Variants in MTA1 observed in about 807,000 individuals in gnomAD.
MTA1 encodes the protein metastasis-associated protein MTA1.
Under a neutral mutation model 97.0 loss-of-function variants are expected in MTA1, and 15 were observed. The observed-to-expected ratio is 0.15, with a 90% CI of 0.10 to 0.24. MTA1 has a LOEUF of 0.24. Ranked by LOEUF, MTA1 falls within the 10% of genes least tolerant of loss-of-function variation. The probability of loss-of-function intolerance (pLI) is 1.00; values close to 1 mark genes in which losing one functional copy is unlikely to be tolerated. For missense variants in MTA1, 709 were observed against 1,015.1 expected (o/e 0.70, Z 4.10); for synonymous variants, 435 against 417.5 (o/e 1.04, Z -0.51).
intron 20 of MTA1, 24 bp from the exon 21 acceptor site, chr14:105,470,041 C>T (rs782715781): frequency 1.2e-6 from 2 of 1,612,606 alleles, no homozygotes; most frequent in East Asian, 4.5e-5. Flanking sequence ...GCGTCCCGGC[C>T]CTCACCACCA....
In MTA1 at chr14:105,460,775, T is replaced by C; in HGVS notation, c.764T>C (p.Met255Thr). The change falls in exon 10 of 21, where the codon ATG (methionine) becomes ACG (threonine). Residue 255 changes from methionine (M) to threonine (T), a missense_variant. This residue lies in a region of MTA1 where 321 missense variants were observed against 593.5 expected (regional missense o/e 0.54). Coordinates refer to ENST00000331320, the MANE Select transcript of MTA1 (RefSeq NM_004689.4). Reference sequence around the variant, plus strand: ...TGTCTCCTGCCGCAGTTCCACGCCATGGATACTCTCCACAAGAACATCTAC... The same window carrying C: ...TGTCTCCTGCCGCAGTTCCACGCCACGGATACTCTCCACAAGAACATCTAC... ...ASRDITLFHA[M>T]DTLHKNIYDI... The C allele has an allele frequency of 6.3e-7, 1 of 1,587,640 alleles. No individual in the cohort carries two copies. Among genetic ancestry groups the C allele is most frequent in the Non-Finnish European group, 8.6e-7 (1 of 1,165,780 alleles).
intron 1 of MTA1, among the ~76,000 whole-genome samples, chr14:105,429,332 C>G (rs1322009078): frequency 6.6e-6 from 1 of 152,240 alleles, no homozygotes; most frequent in Non-Finnish European, 1.5e-5. Flanking sequence ...GTCGCCCAGG[C>G]TGGAGTGCGG....
chr14:105,449,297 C>A, intron 3 of MTA1, 62 bp from the exon 4 acceptor site: 1 of 1,549,372 alleles, frequency 6.5e-7, no homozygotes, highest in Non-Finnish European at 8.8e-7. Flanking sequence ...GGGCCCTGGG[C>A]AGGGAGCAGG....
chr14:105,442,443 G>A (rs6576099), intron 2 of MTA1, among the ~76,000 whole-genome samples: 147,680 of 152,348 alleles, frequency 0.97, 71,607 homozygotes, highest in East Asian at 0.99. Flanking sequence ...CCTCGCAGGC[G>A]CCCTGATATG....
chr14:105,429,500 G>T (rs1427644053), intron 1 of MTA1, among the ~76,000 whole-genome samples: 2 of 150,072 alleles, frequency 1.3e-5, no homozygotes, highest in African/African-American at 2.5e-5. Flanking sequence ...CACCCAGGCT[G>T]GAGTGCAGTG....
rs1038770029 is a variant in MTA1, at chr14:105,422,326, C to A, written c.28+2263C>A. ...TTGGCTTCCTGTCTTGGTGCTCGCTCGGGGAGGTGGGCGTCTGGATTCTTG... is the reference window on the plus strand; with the variant it reads ...TTGGCTTCCTGTCTTGGTGCTCGCTAGGGGAGGTGGGCGTCTGGATTCTTG... On this transcript the variant is annotated intron_variant, in intron 1 of 20. Transcript: ENST00000331320. The surrounding 1 kb of genome is among the most constrained non-coding windows in gnomAD (Gnocchi z 4.3). 6.6e-6 allele frequency among the ~76,000 whole-genome samples: 1 copy of A among 152,198 alleles called. No homozygotes were observed. The highest frequency in any genetic ancestry group is 1.5e-5 in the Non-Finnish European group (1 of 67,998).
At chr14:105,445,701 G>T (rs1208603031) in intron 3 of MTA1, 190 bp downstream of exon 3, 4 of 714,080 alleles carry the variant, frequency 5.6e-6, no homozygotes, top group Admixed American at 4.1e-5. Flanking sequence ...TTCCTCGGGG[G>T]CTGGGTGAAT....
chr14:105,470,077 G>A lies in MTA1; in HGVS notation c.2010G>A (p.Lys670=), dbSNP rs782789022. ...MATEETRKIR[K]LLSSSETKRA... ...CCTCTGCCCACAGGAAGATCCGCAA[G>A]CTGCTCTCATCCTCGGAAACCAAGC... Residue 670 remains lysine, a synonymous_variant, in exon 21 of 21, where the codon AAG becomes AAA. Transcript: ENST00000331320. 5 of 1,612,618 alleles carry A rather than the reference G, an allele frequency of 3.1e-6. No individual in the cohort carries two copies. In the East Asian group the frequency reaches 1.1e-4, roughly 36 times the overall value.
chr14:105,469,296 A>C, intron 18 of MTA1, 171 bp from the exon 19 acceptor site: 2 of 691,382 alleles, frequency 2.9e-6, no homozygotes, highest in Non-Finnish European at 2.6e-6. Context: ...GCGGCCCAGG[A>C]CCCGGGGATG....
rs2081877120 is a variant in MTA1 at position 105,422,513 on chromosome 14, C to T, written c.28+2450C>T. 6.6e-6 allele frequency among the ~76,000 whole-genome samples: 1 copy of T among 152,166 alleles called. No individual in the cohort carries two copies. The highest frequency in any genetic ancestry group is 1.5e-5 in the Non-Finnish European group (1 of 68,020). ...GGGAAGGGGCTTGCTCCTGTGCCCC[C>T]CCACCCCAGGGACCTTGTGTGTAGA... On this transcript the variant is annotated intron_variant, in intron 1 of 20. Transcript: ENST00000331320. This position sits in a 1 kb window ranked among gnomAD's most constrained non-coding sequence, Gnocchi z 4.3.
chr14:105,428,544 A>G (rs1555422730), intron 1 of MTA1, among the ~76,000 whole-genome samples: 1 of 152,150 alleles, frequency 6.6e-6, no homozygotes, highest in African/African-American at 2.4e-5. Context: ...CTGAGGTAAC[A>G]GGAGTGAGCC....
At chr14:105,450,680 C>T (rs1489122094) in intron 6 of MTA1, among the ~76,000 whole-genome samples, 18 of 152,212 alleles carry the variant, frequency 1.2e-4, no homozygotes, top group Middle Eastern at 3.4e-3. Flanking sequence ...CTCTCCTGGG[C>T]GGTGGGCAGA....
At position 105,464,077 on chromosome 14, in the gene MTA1, C is replaced by T. The variant is rs146782490; in HGVS notation, c.1122C>T (p.Ala374=). 73 of 1,612,434 alleles carry T rather than the reference C, an allele frequency of 4.5e-5. No individual in the cohort carries two copies. The highest frequency in any genetic ancestry group is 5.3e-5 in the Non-Finnish European group (62 of 1,179,796). ...AAATCAGCGTCAACAACGTCAAGGC[C>T]GGTGTGGTGAACGGCACGGGGGCGC... ...PNQISVNNVK[A]GVVNGTGAPG... is the part of the protein sequence containing the mutation. The change falls in exon 13 of 21, where the codon GCC becomes GCT. Residue 374 remains alanine, a synonymous_variant. Transcript: ENST00000331320.
At chr14:105,449,914 TG>T in intron 4 of MTA1, 143 bp from the exon 5 acceptor site, 1 of 1,227,928 alleles carries the variant, frequency 8.1e-7, no homozygotes, top group Non-Finnish European at 1.1e-6. Flanking sequence ...GGTGGGGCAG[TG>T]GGACAGTGTC....
At chr14:105,447,861 C>T (rs1337774668) in intron 3 of MTA1, among the ~76,000 whole-genome samples, 4 of 152,196 alleles carry the variant, frequency 2.6e-5, no homozygotes, top group African/African-American at 9.6e-5. Flanking sequence ...TCCTGCTTCT[C>T]TGTGAGCTCA....
At chr14:105,460,015 A>G (rs1453489819) in intron 8 of MTA1, among the ~76,000 whole-genome samples, 12 of 21,014 alleles carry the variant, frequency 5.7e-4, no homozygotes, top group Admixed American at 9.4e-4. Flanking sequence ...TGCCTGGGGG[A>G]AGTCCGTGCT....
At chr14:105,469,370 C>A in intron 18 of MTA1, 97 bp from the exon 19 acceptor site, 2 of 1,378,992 alleles carry the variant, frequency 1.5e-6, no homozygotes, top group Non-Finnish European at 1.0e-6. Context: ...CAGATGGCCC[C>A]GGCCCATTGT....
intron 6 of MTA1, among the ~76,000 whole-genome samples, 197 bp downstream of exon 6, chr14:105,450,521 C>A (rs771402666): frequency 2.6e-5 from 4 of 152,230 alleles, no homozygotes; most frequent in Non-Finnish European, 5.9e-5. Flanking sequence ...CCACCCTACG[C>A]GTCCAGAGTT....
intron 16 of MTA1, 40 bp downstream of exon 16, chr14:105,465,223 T>A: frequency 6.8e-7 from 1 of 1,467,494 alleles, no homozygotes; most frequent in South Asian, 1.3e-5. Flanking sequence ...CAATGCTGCC[T>A]GCAGGCAGCT....
Sources: gnomAD v4.1 joint callset for allele counts (sites outside exome capture counted in the v4.1 genomes callset) on GRCh38, gnomAD v4.1.1 for gene constraint, gnomAD v4.1.1 regional missense constraint, Gnocchi (gnomAD v3.1) non-coding constraint, MANE v1.5 for transcripts, NCBI Gene and HGNC (gene_info 2026-07-23, HGNC 2026-07-21) for gene names.